The following PHEX variants were observed in gnomAD, a reference collection of about 807,000 sequenced individuals.
PHEX encodes the protein phosphate-regulating neutral endopeptidase PHEX.
Under a neutral mutation model 68.0 loss-of-function variants are expected in PHEX, and 16 were observed. The observed-to-expected ratio is 0.24, with a 90% CI of 0.16 to 0.36. The LOEUF is 0.36. Ranked by LOEUF, PHEX falls within the 10% of genes least tolerant of loss-of-function variation. The pLI is 1.00. For missense variants in PHEX, 480 were observed against 575.5 expected, an observed-to-expected ratio of 0.83 and a Z score of 1.70; for synonymous variants, 208 against 205.1, an observed-to-expected ratio of 1.01 and a Z score of -0.12.
At chrX:22,121,309 G>C (rs955217555) in intron 11 of PHEX, among the ~76,000 whole-genome samples, 1 of 111,846 alleles carries the variant, frequency 8.9e-6, no homozygotes, top group Non-Finnish European at 1.9e-5. Context: ...TTATGAAGAG[G>C]AGACATCACG....
chrX:22,194,771 G>A (rs866072067), intron 15 of PHEX, among the ~76,000 whole-genome samples: 1 of 112,220 alleles, frequency 8.9e-6, no homozygotes, highest in East Asian at 2.8e-4. Flanking sequence ...TTTACAGGGT[G>A]GTTACAACTT....
chrX:22,215,400 G>C (rs890615757), intron 16 of PHEX, among the ~76,000 whole-genome samples: 1 of 111,416 alleles, frequency 9.0e-6, no homozygotes, highest in Non-Finnish European at 1.9e-5. Flanking sequence ...ATAGCCTCCA[G>C]AATCAAGGGA....
chrX:22,243,485 G>A (rs1475868754), intron 20 of PHEX, among the ~76,000 whole-genome samples: 1 of 111,968 alleles, frequency 8.9e-6, no homozygotes, highest in Non-Finnish European at 1.9e-5. Flanking sequence ...TATCATCAGA[G>A]TGAACAGGCA....
intron 9 of PHEX, among the ~76,000 whole-genome samples, chrX:22,104,541 A>G (rs956223834): frequency 1.8e-5 from 2 of 111,919 alleles, no homozygotes; most frequent in East Asian, 2.8e-4. Flanking sequence ...GATAGTTTCA[A>G]TTCAACTATG....
intron 12 of PHEX, among the ~76,000 whole-genome samples, chrX:22,167,582 C>T (rs923912677): frequency 9.5e-6 from 1 of 105,243 alleles, no homozygotes; most frequent in African/African-American, 3.5e-5. Context: ...GCCTCTACCT[C>T]CCAGGCTCAA....
chrX:22,091,228 G>C (rs1929868403), intron 6 of PHEX, among the ~76,000 whole-genome samples: 1 of 111,851 alleles, frequency 8.9e-6, no homozygotes, highest in South Asian at 3.8e-4. Flanking sequence ...ATGCTGGGCA[G>C]CTTTCTTGCT....
At chrX:22,200,856 TTCATG>T (rs1934528351) in intron 15 of PHEX, among the ~76,000 whole-genome samples, 1 of 110,569 alleles carries the variant, frequency 9.0e-6, no homozygotes, top group African/African-American at 3.3e-5. Flanking sequence ...TCCTACTGAT[TTCATG>T]TCCAAAAGGG....
intron 2 of PHEX, among the ~76,000 whole-genome samples, chrX:22,046,031 A>G (rs1188157409): frequency 8.9e-6 from 1 of 112,253 alleles, no homozygotes; most frequent in African/African-American, 3.2e-5. Flanking sequence ...GATATTTCTC[A>G]TGATTTTGTG....
At chrX:22,142,758 A>C (rs977582819) in intron 12 of PHEX, among the ~76,000 whole-genome samples, 4 of 112,423 alleles carry the variant, frequency 3.6e-5, no homozygotes, top group African/African-American at 1.3e-4. Flanking sequence ...CTATGATTTA[A>C]ATTCTCCCTT....
chrX:22,173,765 A>G (rs1180323448), intron 13 of PHEX, among the ~76,000 whole-genome samples: 3 of 111,154 alleles, frequency 2.7e-5, no homozygotes, highest in Non-Finnish European at 5.7e-5. Context: ...ATTTGGATAT[A>G]TCTCTGAGTA....
chrX:22,233,520 T>C (rs1250370452), intron 20 of PHEX, among the ~76,000 whole-genome samples: 1 of 111,287 alleles, frequency 9.0e-6, no homozygotes, highest in African/African-American at 3.3e-5. Flanking sequence ...TTTCACTCCT[T>C]CTTCTCTAAT....
intron 4 of PHEX, 72 bp downstream of exon 4, chrX:22,076,546 T>G: frequency 1.4e-6 from 1 of 694,736 alleles, no homozygotes; most frequent in Non-Finnish European, 2.3e-6. Context: ...TGTTTTAATA[T>G]ATTGTTTGAG....
At chrX:22,164,420 G>C (rs985935913) in intron 12 of PHEX, among the ~76,000 whole-genome samples, 21 of 111,915 alleles carry the variant, frequency 1.9e-4, no homozygotes, top group African/African-American at 5.5e-4. Flanking sequence ...TTCTTTGTAT[G>C]TGTTCTGATT....
intron 12 of PHEX, among the ~76,000 whole-genome samples, chrX:22,142,460 A>G (rs986562981): frequency 8.9e-6 from 1 of 111,894 alleles, no homozygotes. Flanking sequence ...GAAAAGGTCA[A>G]CTCTTTCCTT....
At chrX:22,210,485 T>G (rs746808766) in intron 15 of PHEX, among the ~76,000 whole-genome samples, 75 of 112,191 alleles carry the variant, frequency 6.7e-4, no homozygotes, top group Admixed American at 1.0e-3. Context: ...ATTGTTCTTA[T>G]TAGGAAATAT....
chrX:22,161,606 T>C (rs1405790016), intron 12 of PHEX, among the ~76,000 whole-genome samples: 1 of 112,299 alleles, frequency 8.9e-6, no homozygotes, highest in African/African-American at 3.2e-5. Flanking sequence ...ATTATATGAA[T>C]TAATATTTAT....
chrX:22,227,656 T>G (rs1375811744), intron 20 of PHEX, 45 bp downstream of exon 20: 1 of 881,752 alleles, frequency 1.1e-6, no homozygotes. Flanking sequence ...ATGCAGGACT[T>G]GAGTTTGCTC....
At chrX:22,114,194 C>T (rs1338049662) in intron 10 of PHEX, among the ~76,000 whole-genome samples, 2 of 110,357 alleles carry the variant, frequency 1.8e-5, no homozygotes, top group Non-Finnish European at 3.8e-5. Context: ...AGGTGATCTG[C>T]TCACCTGGGC....
chrX:22,161,122 C>T (rs144179080), intron 12 of PHEX, among the ~76,000 whole-genome samples: 7,319 of 108,085 alleles, frequency 0.068, 222 homozygotes, highest in African/African-American at 0.11. Context: ...GTTGACAGAG[C>T]GAGGCTCCAC....
Sources: allele counts gnomAD v4.1 joint callset (sites outside exome capture counted in the v4.1 genomes callset), GRCh38; gene constraint gnomAD v4.1.1; transcripts MANE v1.5; gene names NCBI Gene and HGNC (gene_info 2026-07-23, HGNC 2026-07-21).